Variants in KCNMB3 observed in about 807,000 individuals in gnomAD.
The protein encoded by KCNMB3 is calcium-activated potassium channel subunit beta-3.
KCNMB3 carries 18 observed loss-of-function variants against 11.9 expected under a neutral mutation model. That is an observed-to-expected ratio of 1.51 (90% CI 1.04 to 2.23). The LOEUF is 2.23. Among genes scored for constraint, KCNMB3 ranks in the 30% most tolerant of loss-of-function variants. The probability of loss-of-function intolerance (pLI) is 0.00; values close to 1 mark genes in which losing one functional copy is unlikely to be tolerated. For synonymous variants in KCNMB3, 78 were observed against 119.2 expected (o/e 0.65, Z 2.25); for missense variants, 247 against 329.4 (o/e 0.75, Z 1.94).
At chr3:179,251,669 G>A, upstream of KCNMB3, 1 of 1,237,378 alleles carries the variant, frequency 8.1e-7, no homozygotes, top group Non-Finnish European at 1.0e-6. Flanking sequence ...CGGTGGGCAT[G>A]GCGGCATCCA....
At chr3:179,261,636 A>C (rs1164565269) in intron 1 of KCNMB3, among the ~76,000 whole-genome samples, 9 of 152,174 alleles carry the variant, frequency 5.9e-5, no homozygotes, top group Non-Finnish European at 1.3e-4. Flanking sequence ...ATTCAGTAGA[A>C]ACTGTACCTC....
At chr3:179,253,131 C>T (rs1162698654), upstream of KCNMB3, among the ~76,000 whole-genome samples, 1 of 152,136 alleles carries the variant, frequency 6.6e-6, no homozygotes, top group Non-Finnish European at 1.5e-5. Flanking sequence ...ACCCAATATC[C>T]TGCATTTTCC....
chr3:179,253,630 A>G (rs1296254371), upstream of KCNMB3, among the ~76,000 whole-genome samples: 7 of 152,124 alleles, frequency 4.6e-5, no homozygotes, highest in Admixed American at 3.3e-4. Flanking sequence ...ACATGGTGAA[A>G]CCCTGTCTCT....
chr3:179,242,651 G>T (rs1379867175), downstream of KCNMB3: 13 of 439,262 alleles, frequency 3.0e-5, no homozygotes, highest in Non-Finnish European at 4.3e-5. Flanking sequence ...AACTCATTTT[G>T]CTATACAGGA....
chr3:179,255,399 AAAG>A (rs1338858222), upstream of KCNMB3, among the ~76,000 whole-genome samples: 1 of 152,022 alleles, frequency 6.6e-6, no homozygotes, highest in Non-Finnish European at 1.5e-5. Context: ...AATATTTAAA[AAAG>A]AATTTATAGA....
At chr3:179,251,916 T>A (rs1725861540), upstream of KCNMB3, among the ~76,000 whole-genome samples, 1 of 152,110 alleles carries the variant, frequency 6.6e-6, no homozygotes, top group South Asian at 2.1e-4. Flanking sequence ...GAGACAGTGT[T>A]TCACCATGTT....
chr3:179,242,377 G>A (rs6443627), downstream of KCNMB3: 13,116 of 147,858 alleles, frequency 0.089, 656 homozygotes, highest in African/African-American at 0.13. Flanking sequence ...CCTGGGCGAC[G>A]AGCAAAACTC....
downstream of KCNMB3, chr3:179,242,770 A>G: frequency 7.4e-7 from 1 of 1,354,020 alleles, no homozygotes; most frequent in Non-Finnish European, 9.7e-7. Flanking sequence ...AGGCTTTTAA[A>G]TTTTTTCCCA....
downstream of KCNMB3, chr3:179,240,073 T>TA (rs371410608): frequency 0.03 from 33,753 of 1,112,254 alleles, no homozygotes; most frequent in South Asian, 0.036. Context: ...CGCTGTTTAT[T>TA]AAAAAAAAAA....
At chr3:179,266,863 C>T (rs924056535) in exon 1 of KCNMB3, 8 of 1,435,208 alleles carry the variant, frequency 5.6e-6, no homozygotes, top group African/African-American at 2.9e-5. Context: ...CCCCCGCCTT[C>T]CTGGAGAGGT....
intron 1 of KCNMB3, chr3:179,260,810 C>A (rs984299668): frequency 1.3e-5 from 17 of 1,337,786 alleles, no homozygotes; most frequent in Non-Finnish European, 1.6e-5. Flanking sequence ...TTCGTACTGC[C>A]GCCTATATTC....
At chr3:179,253,548 G>T (rs1725916366), upstream of KCNMB3, among the ~76,000 whole-genome samples, 1 of 152,192 alleles carries the variant, frequency 6.6e-6, no homozygotes, top group Non-Finnish European at 1.5e-5. Context: ...GCTCATGCTT[G>T]TAATCCCAGC....
chr3:179,258,102 C>A (rs1366961008), intron 1 of KCNMB3, among the ~76,000 whole-genome samples: 1 of 152,024 alleles, frequency 6.6e-6, no homozygotes, highest in African/African-American at 2.4e-5. Context: ...GCCAGGCTGG[C>A]CTTGAACTTC....
chr3:179,247,445 G>T (rs9850621), intron 1 of KCNMB3, among the ~76,000 whole-genome samples: 57,942 of 151,700 alleles, frequency 0.38, 11,567 homozygotes, highest in African/African-American at 0.48. Context: ...AGAATCGCTT[G>T]AGCCTAGGAG....
chr3:179,243,313 A>C, intron 2 of KCNMB3, 29 bp from the exon 3 acceptor site: 1 of 1,478,970 alleles, frequency 6.8e-7, no homozygotes, highest in East Asian at 2.3e-5. Context: ...GAAAAAGATA[A>C]AGGCACTGTC....
chr3:179,264,415 C>T (rs901388364), intron 1 of KCNMB3, among the ~76,000 whole-genome samples: 5 of 152,132 alleles, frequency 3.3e-5, no homozygotes, highest in African/African-American at 7.2e-5. Flanking sequence ...AGTTTGCTTT[C>T]TAGTCAGGAA....
At chr3:179,259,299 T>C (rs1576963144) in intron 1 of KCNMB3, 1 of 1,554,914 alleles carries the variant, frequency 6.4e-7, no homozygotes. Context: ...CTCTGGTTCT[T>C]CAGGATTGCT....
intron 2 of KCNMB3, among the ~76,000 whole-genome samples, chr3:179,243,892 A>C (rs1376510765): frequency 6.6e-6 from 1 of 152,176 alleles, no homozygotes; most frequent in Non-Finnish European, 1.5e-5. Context: ...AAGGCCAAAA[A>C]CTGTTTGAAA....
chr3:179,257,688 AAG>A (rs1398391195), intron 1 of KCNMB3, among the ~76,000 whole-genome samples: 4 of 152,222 alleles, frequency 2.6e-5, no homozygotes. Context: ...AATTCAAACA[AAG>A]AGAAGTAATT....
Sources: allele counts gnomAD v4.1 joint callset (sites outside exome capture counted in the v4.1 genomes callset), GRCh38; gene constraint gnomAD v4.1.1; transcripts MANE v1.5; gene names NCBI Gene and HGNC (gene_info 2026-07-23, HGNC 2026-07-21).